VWCE: variants seen among roughly 807,000 people sequenced by gnomAD.
VWCE encodes von Willebrand factor C and EGF domain-containing protein.
VWCE carries 68 observed loss-of-function variants against 102.9 expected under a neutral mutation model. The observed-to-expected ratio is 0.66, with a 90% CI of 0.54 to 0.81. The LOEUF (loss-of-function observed/expected upper bound fraction) is 0.81. Ranked by LOEUF, VWCE falls within the 30% of genes least tolerant of loss-of-function variation. The probability of loss-of-function intolerance (pLI) is 0.00; values close to 1 mark genes in which losing one functional copy is unlikely to be tolerated. For missense variants in VWCE, 1,137 were observed against 1,263.6 expected (o/e 0.90, Z 1.52); for synonymous variants, 497 against 515.4 (o/e 0.96, Z 0.48).
At chr11:61,269,070 C>T (rs1854594656) in intron 14 of VWCE, 52 bp from the exon 15 acceptor site, 1 of 1,544,342 alleles carries the variant, frequency 6.5e-7, no homozygotes, top group Admixed American at 1.8e-5. Flanking sequence ...CCGGCCCCTG[C>T]CTCCCCGCCC....
rs539876929 is a variant in VWCE, at chr11:61,294,148, G to C, written c.110+780C>G. Among the ~76,000 whole-genome samples the C allele has an allele frequency of 5.2e-4, 79 of 152,326 alleles. 1 individual carries two copies. Among genetic ancestry groups the C allele is most frequent in the African/African-American group, 1.8e-3 (76 of 41,582 alleles). On this transcript the variant is annotated intron_variant, in intron 1 of 19. Coordinates refer to ENST00000335613, the MANE Select transcript of VWCE (RefSeq NM_152718.2). This position sits in a 1 kb window ranked among gnomAD's most constrained non-coding sequence, Gnocchi z 6.3. ...AGCCTCCTAGGGCTGGTGACAGAGG[G>C]ACAGGTGGTGGGAGCCTGTGGAACG...
At chr11:61,276,459 T>C in intron 11 of VWCE, 134 bp downstream of exon 11, 1 of 596,936 alleles carries the variant, frequency 1.7e-6, no homozygotes, top group Non-Finnish European at 2.6e-6. Context: ...GGCTCATGCC[T>C]GTCATCCCAG....
chr11:61,290,582 G>C (rs371238603), intron 4 of VWCE, among the ~76,000 whole-genome samples: 2 of 150,344 alleles, frequency 1.3e-5, no homozygotes, highest in African/African-American at 2.5e-5. Flanking sequence ...CCCTAGCTCA[G>C]TTCCTGCCCC....
At chr11:61,285,593 C>T (rs774286278) in intron 5 of VWCE, among the ~76,000 whole-genome samples, 6 of 152,148 alleles carry the variant, frequency 3.9e-5, no homozygotes, top group South Asian at 4.1e-4. Flanking sequence ...GACCCCATCC[C>T]GGTATGCCCC....
At chr11:61,270,683 C>A (rs1019667475) in intron 14 of VWCE, among the ~76,000 whole-genome samples, 3 of 152,136 alleles carry the variant, frequency 2.0e-5, no homozygotes, top group Non-Finnish European at 4.4e-5. Context: ...ATTGCAATTT[C>A]ACAGAAACAG....
At chr11:61,276,219 C>T (rs1854899729) in intron 11 of VWCE, among the ~76,000 whole-genome samples, 1 of 149,840 alleles carries the variant, frequency 6.7e-6, no homozygotes, top group Non-Finnish European at 1.5e-5. Flanking sequence ...ACCAGCCAGG[C>T]CAACATGGTG....
intron 5 of VWCE, among the ~76,000 whole-genome samples, chr11:61,285,694 G>A (rs1590652494): frequency 6.6e-6 from 1 of 152,116 alleles, no homozygotes; most frequent in African/African-American, 2.4e-5. Flanking sequence ...GGCCCACTCT[G>A]CCCTGGCTCT....
intron 19 of VWCE, among the ~76,000 whole-genome samples, chr11:61,264,196 A>C (rs1469479046): frequency 7.3e-6 from 1 of 136,758 alleles, no homozygotes; most frequent in Non-Finnish European, 1.5e-5. Context: ...ATTGCACTCC[A>C]GCCTGGGTGA....
At position 61,294,904 on chromosome 11, in the gene VWCE, C is replaced by A. The variant is rs1855626405; in HGVS notation, c.110+24G>T. The A allele has an allele frequency of 7.3e-7, 1 of 1,362,204 alleles. No homozygotes were observed. Among genetic ancestry groups the A allele is most frequent in the East Asian group, 3.0e-5 (1 of 32,972 alleles). The allele number at this position is 1,362,204 out of a possible 1,614,324, so 84.4% of individuals were successfully genotyped here. On this transcript the variant is annotated intron_variant, in intron 1 of 19. Transcript: ENST00000335613. The surrounding 1 kb of genome is among the most constrained non-coding windows in gnomAD (Gnocchi z 6.3). Reference sequence around the variant, plus strand: ...GGTAGCGCTCTCCCGGGCGGGGGAGCGGGGAGGAGCTCCGGGCGCTTACCT... The same window carrying A: ...GGTAGCGCTCTCCCGGGCGGGGGAGAGGGGAGGAGCTCCGGGCGCTTACCT...
At chr11:61,286,088 G>C (rs572186505) in intron 5 of VWCE, among the ~76,000 whole-genome samples, 1 of 152,234 alleles carries the variant, frequency 6.6e-6, no homozygotes, top group African/African-American at 2.4e-5. Flanking sequence ...GATGTGCTGG[G>C]ATTCAAACTC....
Position 61,260,148 on chromosome 11 carries a change from G to A in VWCE, c.2231-836C>T, listed in dbSNP as rs112812821. On this transcript the variant is annotated intron_variant, in intron 19 of 19. Coordinates refer to ENST00000335613, the MANE Select transcript of VWCE (RefSeq NM_152718.2). ...CGCGTGCCTGTAGTCCCAGCTACTC[G>A]GGAGGCTGAGGCGCGAGAATCACTT... 7.6e-3 allele frequency among the ~76,000 whole-genome samples: 1,165 copies of A among 152,306 alleles called. 18 individuals are homozygous for A. The highest frequency in any genetic ancestry group is 0.027 in the African/African-American group (1,119 of 41,564).
At chr11:61,266,639 A>G (rs1252622282) in intron 16 of VWCE, among the ~76,000 whole-genome samples, 1 of 152,106 alleles carries the variant, frequency 6.6e-6, no homozygotes, top group Non-Finnish European at 1.5e-5. Context: ...GACCCAGGAG[A>G]AGAAATATGC....
chr11:61,280,721 G>C lies in VWCE; in HGVS notation c.1231-4C>G. On this transcript the variant is annotated splice_region_variant and splice_polypyrimidine_tract_variant and intron_variant, in intron 8 of 19. Coordinates refer to ENST00000335613, the MANE Select transcript of VWCE (RefSeq NM_152718.2). ...TTTCACAGGTCACCTTCCCGTCCTA[G>C]AAGCACAAGCAGGAGTTAGAGCCAC... The C allele has an allele frequency of 6.2e-7, 1 of 1,613,962 alleles. No homozygotes were observed. Among genetic ancestry groups the C allele is most frequent in the Non-Finnish European group, 8.5e-7 (1 of 1,180,004 alleles).
rs372833210 is a variant in VWCE, at chr11:61,271,777, G to A, written c.1700-17C>T. The A allele has an allele frequency of 4.7e-5, 76 of 1,610,802 alleles. No homozygotes were observed. Among genetic ancestry groups the A allele is most frequent in the Admixed American group, 8.4e-5 (5 of 59,614 alleles). On this transcript the variant is annotated splice_polypyrimidine_tract_variant and intron_variant, in intron 13 of 19. Transcript: ENST00000335613. ...GAGAGCAGCCTGGATGAGGACAATG[G>A]CAGAGAAAAGACGGCACAAGACCTA...
intron 14 of VWCE, 139 bp from the exon 15 acceptor site, chr11:61,269,157 G>A (rs903370070): frequency 4.1e-6 from 3 of 725,308 alleles, no homozygotes; most frequent in Admixed American, 4.4e-5. Context: ...GAAGATGGCA[G>A]GTCTCCCCTA....
chr11:61,289,797 T>G (rs1376859366), intron 4 of VWCE, among the ~76,000 whole-genome samples: 1 of 152,218 alleles, frequency 6.6e-6, no homozygotes, highest in Non-Finnish European at 1.5e-5. Flanking sequence ...CAGAGAATGC[T>G]TATTTTCATC....
chr11:61,268,894 G>A, intron 15 of VWCE, 28 bp downstream of exon 15: 1 of 1,609,586 alleles, frequency 6.2e-7, no homozygotes, highest in Non-Finnish European at 8.5e-7. Flanking sequence ...CCCTGCCCTG[G>A]GGGCTTGGGG....
rs1489273744 is a variant in VWCE, at chr11:61,290,815, A to G, written c.408T>C (p.Val136=). The G allele has an allele frequency of 1.3e-6, 2 of 1,596,498 alleles. No homozygotes were observed. Among genetic ancestry groups the G allele is most frequent in the Non-Finnish European group, 1.7e-6 (2 of 1,172,886 alleles). ...PVGFSMTETA[V]GIRCTDIDEC... ...GCGTCTCACCTGTACACCTGATGCC[A>G]ACAGCTGTCTCCGTCATCGAGAAGC... The change falls in exon 4 of 20, where the codon GTT becomes GTC. Residue 136 remains valine, a synonymous_variant. Transcript: ENST00000335613.
intron 19 of VWCE, 69 bp downstream of exon 19, chr11:61,264,418 T>A: frequency 4.1e-6 from 6 of 1,459,740 alleles, no homozygotes; most frequent in Non-Finnish European, 5.7e-6. Flanking sequence ...ACAAGTTCTA[T>A]GTACCGGGGA....
Sources: allele counts gnomAD v4.1 joint callset (sites outside exome capture counted in the v4.1 genomes callset), GRCh38; gene constraint gnomAD v4.1.1; non-coding constraint Gnocchi (gnomAD v3.1); transcripts MANE v1.5; gene names NCBI Gene and HGNC (gene_info 2026-07-23, HGNC 2026-07-21).